The following DAB1 variants were observed in gnomAD, a reference collection of about 807,000 sequenced individuals.
DAB1 encodes the protein DAB adaptor protein 1, also known as disabled homolog 1.
Under a neutral mutation model 64.6 loss-of-function variants are expected in DAB1, and 15 were observed. That is an observed-to-expected ratio of 0.23 (90% CI 0.16 to 0.36). The LOEUF (loss-of-function observed/expected upper bound fraction) is 0.36, where lower values mean the gene tolerates loss of function less well. DAB1 is among the 10% of genes least tolerant of loss of function. The pLI is 1.00. For missense variants in DAB1, 596 were observed against 706.7 expected (o/e 0.84, Z 1.78); for synonymous variants, 235 against 251.9 (o/e 0.93, Z 0.64).
chr1:57,205,390 G>A lies in DAB1; in HGVS notation c.68-59961C>T, dbSNP rs563177607. Among the ~76,000 whole-genome samples the A allele has an allele frequency of 7.2e-5, 11 of 152,302 alleles. No homozygotes were observed. The Middle Eastern group carries it at 0.01, about 141-fold the overall frequency. On this transcript the variant is annotated intron_variant, in intron 2 of 14. Coordinates refer to ENST00000371236, the MANE Select transcript of DAB1 (RefSeq NM_001365792.1). ...TAGGCGAAGTCTCTACTCTCTGAGC[G>A]TAGCCATGGGGCAGGCAGGAAGGGG...
At chr1:57,156,574 T>C (rs923937549) in intron 2 of DAB1, among the ~76,000 whole-genome samples, 10 of 152,074 alleles carry the variant, frequency 6.6e-5, no homozygotes, top group African/African-American at 2.4e-4. Flanking sequence ...TCAGGACCAC[T>C]TGGGGGAGGC....
chr1:57,668,131 G>A (rs1646470632), intron 6 of DAB1, among the ~76,000 whole-genome samples: 1 of 152,018 alleles, frequency 6.6e-6, no homozygotes, highest in African/African-American at 2.4e-5. Flanking sequence ...AGTGGAATTA[G>A]CGTTCAATAT....
intron 2 of DAB1, among the ~76,000 whole-genome samples, chr1:57,190,210 C>T (rs536380978): frequency 6.6e-6 from 1 of 152,238 alleles, no homozygotes; most frequent in East Asian, 1.9e-4. Flanking sequence ...TCAGTTTCCA[C>T]GTAAGGCTGT....
At chr1:57,956,461 T>C (rs1430083696) in intron 5 of DAB1, among the ~76,000 whole-genome samples, 2 of 152,200 alleles carry the variant, frequency 1.3e-5, no homozygotes, top group Non-Finnish European at 2.9e-5. Context: ...TAGCCTGATC[T>C]CACTCTTATT....
intron 7 of DAB1, among the ~76,000 whole-genome samples, chr1:57,453,732 A>G (rs1437095880): frequency 2.0e-5 from 3 of 152,152 alleles, no homozygotes; most frequent in South Asian, 2.1e-4. Flanking sequence ...TTGTATATGA[A>G]TTTTGCATAA....
chr1:57,518,568 A>T (rs886975155), intron 7 of DAB1, among the ~76,000 whole-genome samples: 9 of 152,078 alleles, frequency 5.9e-5, no homozygotes, highest in Admixed American at 5.2e-4. Flanking sequence ...CCTTTTTTTC[A>T]TGTGTGACTT....
chr1:58,126,554 C>A (rs1653103338), intron 5 of DAB1, among the ~76,000 whole-genome samples: 2 of 151,706 alleles, frequency 1.3e-5, no homozygotes, highest in South Asian at 4.2e-4. Context: ...GCGCTGCACC[C>A]ACTAACTCGT....
At position 56,994,871 on chromosome 1, in the gene DAB1, T is replaced by C. The variant is rs1645562150; in HGVS notation, c.*3273A>G. The C allele has an allele frequency of 6.6e-6, 1 of 152,250 alleles. No homozygotes were observed. Among genetic ancestry groups the C allele is most frequent in the South Asian group, 2.1e-4 (1 of 4,830 alleles). The allele number at this position is 152,250 out of a possible 1,614,324, so 9.4% of individuals were successfully genotyped here. ...CTAAAAATTTTGCTGTTCTGTTGAA[T>C]GCATTGTACATAAAGTTAAAAATAA... is the stretch of plus-strand genomic sequence containing the variant. On this transcript the variant is annotated 3_prime_UTR_variant, in exon 15 of 15. Coordinates refer to ENST00000371236, the MANE Select transcript of DAB1 (RefSeq NM_001365792.1).
intron 6 of DAB1, among the ~76,000 whole-genome samples, chr1:57,674,069 G>C (rs945146245): frequency 3.3e-5 from 5 of 152,160 alleles, no homozygotes; most frequent in Non-Finnish European, 5.9e-5. Flanking sequence ...TTGAGTAATA[G>C]GGGGGCAGGT....
intron 1 of DAB1, among the ~76,000 whole-genome samples, chr1:57,389,519 T>C (rs990255410): frequency 6.6e-6 from 1 of 152,148 alleles, no homozygotes; most frequent in African/African-American, 2.4e-5. Flanking sequence ...CTGCCTCAAA[T>C]ATGATGTTTC....
chr1:57,144,023 A>C (rs1212753040), intron 3 of DAB1, among the ~76,000 whole-genome samples: 3 of 151,722 alleles, frequency 2.0e-5, no homozygotes, highest in Non-Finnish European at 2.9e-5. Context: ...TTTTAATTCC[A>C]ATTTTATTAC....
chr1:57,046,742 T>C (rs1648547663), intron 9 of DAB1, among the ~76,000 whole-genome samples: 1 of 152,208 alleles, frequency 6.6e-6, no homozygotes, highest in Admixed American at 6.5e-5. Flanking sequence ...GATCTCCAAG[T>C]GATCTGATTT....
At chr1:58,431,345 G>A (rs1210823574) in intron 3 of DAB1, among the ~76,000 whole-genome samples, 2 of 152,116 alleles carry the variant, frequency 1.3e-5, no homozygotes, top group African/African-American at 4.8e-5. Flanking sequence ...GGATCACTAT[G>A]TCAAGAGATT....
intron 5 of DAB1, among the ~76,000 whole-genome samples, chr1:57,940,710 C>T (rs1398567508): frequency 3.9e-5 from 6 of 152,324 alleles, no homozygotes; most frequent in African/African-American, 1.4e-4. Flanking sequence ...ACCAGCAATG[C>T]TTTTCCCCAC....
rs1028959492 is a variant in DAB1 at position 57,090,265 on chromosome 1, A to G, written c.307-17851T>C. On this transcript the variant is annotated intron_variant, in intron 4 of 14. Coordinates refer to ENST00000371236, the MANE Select transcript of DAB1 (RefSeq NM_001365792.1). ...GCGAGGAGCCCTTAATTGCAGCAGA[A>G]CAAAGACCCCTGCTGAAGGGAATGT... 3.5e-4 allele frequency among the ~76,000 whole-genome samples: 53 copies of G among 152,234 alleles called. 1 individual carries two copies. The highest frequency in any genetic ancestry group is 1.3e-3 in the African/African-American group (52 of 41,460).
In DAB1 at chr1:57,717,367, G is replaced by T. The variant is rs562151078; in HGVS notation, n.552-67702C>A. ...GAAATGCACATTAAAACCATCATGAGATATCATCTCATCCCAGTTAGAATG... is the reference window on the plus strand; with the variant it reads ...GAAATGCACATTAAAACCATCATGATATATCATCTCATCCCAGTTAGAATG... On this transcript the variant is annotated intron_variant and non_coding_transcript_variant, in intron 6 of 20. Coordinates refer to the DAB1 transcript ENST00000485760. Among the ~76,000 whole-genome samples the T allele has an allele frequency of 2.0e-5, 3 of 151,838 alleles. No individual in the cohort carries two copies. In the South Asian group the frequency reaches 6.3e-4, roughly 32 times the overall value.
chr1:57,001,493 A>G (rs1645866757), intron 14 of DAB1, among the ~76,000 whole-genome samples: 1 of 152,106 alleles, frequency 6.6e-6, no homozygotes, highest in Admixed American at 6.5e-5. Flanking sequence ...GGTCACGTAA[A>G]TGATGTTAAA....
chr1:57,211,881 T>C (rs1666035086), intron 2 of DAB1, among the ~76,000 whole-genome samples: 1 of 152,236 alleles, frequency 6.6e-6, no homozygotes, highest in African/African-American at 2.4e-5. Flanking sequence ...AAGATGTGCA[T>C]AAGTTGTGTG....
At chr1:58,074,536 ATATATATACACACATATATATATGTGTG>A (rs1216753049) in intron 5 of DAB1, 8 of 107,400 alleles carry the variant, frequency 7.4e-5, no homozygotes, top group African/African-American at 3.1e-4. Context: ...ATATATATAT[ATATATATACACACATATATATATGTGTG>A]TATATATATA....
Sources: gnomAD v4.1 joint callset for allele counts (sites outside exome capture counted in the v4.1 genomes callset) on GRCh38, gnomAD v4.1.1 for gene constraint, MANE v1.5 for transcripts, NCBI Gene and HGNC (gene_info 2026-07-23, HGNC 2026-07-21) for gene names.